NCKAP5: variants seen among roughly 807,000 people sequenced by gnomAD.
The protein encoded by NCKAP5 is NCK associated protein 5, also known as nck-associated protein 5.
In NCKAP5, 92 loss-of-function variants were observed where a neutral mutation model predicts 167.0. The ratio of observed to expected loss-of-function variants is 0.55; its 90% CI spans 0.47 to 0.66. The LOEUF (loss-of-function observed/expected upper bound fraction) is 0.66. Among genes scored for constraint, NCKAP5 ranks in the 30% least tolerant of loss-of-function variants. NCKAP5 has a pLI of 0.00. For synonymous variants in NCKAP5, 891 were observed against 877.4 expected (o/e 1.02, Z -0.27); for missense variants, 2,378 against 2,315.0 (o/e 1.03, Z -0.56).
chr2:133,151,263 A>T (rs1049742057), intron 5 of NCKAP5, among the ~76,000 whole-genome samples: 3 of 152,222 alleles, frequency 2.0e-5, no homozygotes, highest in Non-Finnish European at 2.9e-5. Context: ...CACCAAAAGC[A>T]TGACCTGTGA....
chr2:133,184,529 G>A (rs1025579977), intron 5 of NCKAP5, among the ~76,000 whole-genome samples: 3 of 151,978 alleles, frequency 2.0e-5, no homozygotes, highest in Admixed American at 1.3e-4. Context: ...TATGTTCTTT[G>A]GGAAATCTGT....
intron 8 of NCKAP5, among the ~76,000 whole-genome samples, chr2:132,908,349 C>A (rs1337075794): frequency 6.6e-6 from 1 of 152,060 alleles, no homozygotes; most frequent in Non-Finnish European, 1.5e-5. Context: ...TTCTTTCTTT[C>A]CTAAGGCACT....
At chr2:132,767,481 G>A (rs1356625199) in intron 16 of NCKAP5, among the ~76,000 whole-genome samples, 1 of 152,102 alleles carries the variant, frequency 6.6e-6, no homozygotes, top group Non-Finnish European at 1.5e-5. Context: ...CCTGACCTTA[G>A]GTTATCCACC....
At chr2:133,175,245 C>A (rs144743770) in intron 5 of NCKAP5, among the ~76,000 whole-genome samples, 2 of 152,192 alleles carry the variant, frequency 1.3e-5, no homozygotes, top group African/African-American at 2.4e-5. Flanking sequence ...GGTTTAATAC[C>A]ATAGACATGT....
intron 11 of NCKAP5, among the ~76,000 whole-genome samples, chr2:132,799,193 A>T (rs1206623882): frequency 6.6e-6 from 1 of 152,084 alleles, no homozygotes; most frequent in Non-Finnish European, 1.5e-5. Flanking sequence ...AGTGGAAGCT[A>T]GATACTGAGC....
At chr2:132,722,841 C>T (rs6726559) in intron 19 of NCKAP5, among the ~76,000 whole-genome samples, 135 of 152,112 alleles carry the variant, frequency 8.9e-4, no homozygotes, top group Admixed American at 2.5e-3. Flanking sequence ...TTTGAGACGG[C>T]GTCTTGCTGT....
the NCKAP5 span, among the ~76,000 whole-genome samples, chr2:133,652,730 T>C: frequency 6.6e-6 from 1 of 152,222 alleles, no homozygotes; most frequent in Non-Finnish European, 1.5e-5. Flanking sequence ...ATTGCCTGTC[T>C]AAATCTCTGT....
intron 3 of NCKAP5, among the ~76,000 whole-genome samples, chr2:133,386,016 T>C (rs1190979467): frequency 6.6e-6 from 1 of 152,228 alleles, no homozygotes; most frequent in East Asian, 1.9e-4. Flanking sequence ...TTCATTGATT[T>C]TTTTGAAGGG....
intron 6 of NCKAP5, among the ~76,000 whole-genome samples, chr2:133,119,476 T>G (rs150452194): frequency 6.6e-6 from 1 of 152,302 alleles, no homozygotes; most frequent in African/African-American, 2.4e-5. Flanking sequence ...CTTAGATCAG[T>G]AGGGTAAATA....
chr2:133,467,300 G>A (rs1692676481), intron 3 of NCKAP5, among the ~76,000 whole-genome samples: 1 of 151,622 alleles, frequency 6.6e-6, no homozygotes, highest in Non-Finnish European at 1.5e-5. Flanking sequence ...CTGTTTATAT[G>A]CTGGATTACA....
chr2:133,582,555 G>T, the NCKAP5 span, among the ~76,000 whole-genome samples: 1 of 152,102 alleles, frequency 6.6e-6, no homozygotes, highest in South Asian at 2.1e-4. Context: ...ACACATGCAC[G>T]GTAGTAATCA....
rs1388238618 is a variant in NCKAP5, at chr2:133,282,658, GGGTAATAC to G, written c.143+20371_143+20378del. Among the ~76,000 whole-genome samples the G allele has an allele frequency of 3.3e-5, 5 of 152,276 alleles. No individual in the cohort carries two copies. The East Asian group carries it at 9.6e-4, about 29-fold the overall frequency. On this transcript the variant is annotated intron_variant, in intron 4 of 19. Transcript: ENST00000409261. ...GGGCTATCATATAGCATGCATATTTGGGTAATACGGTATATGAATGAATCTCTTCTAAT... is the reference window on the plus strand; with the variant it reads ...GGGCTATCATATAGCATGCATATTTGGGTATATGAATGAATCTCTTCTAAT...
the NCKAP5 span, among the ~76,000 whole-genome samples, chr2:133,619,405 C>T: frequency 1.3e-5 from 2 of 151,976 alleles, no homozygotes; most frequent in South Asian, 2.1e-4. Context: ...ACAATCACAA[C>T]TTCTGAAAGT....
intron 3 of NCKAP5, among the ~76,000 whole-genome samples, chr2:133,375,956 A>C (rs1686117192): frequency 6.6e-6 from 1 of 152,200 alleles, no homozygotes; most frequent in African/African-American, 2.4e-5. Flanking sequence ...TGGAGGAAAG[A>C]GAGGGCTTCA....
intron 2 of NCKAP5, among the ~76,000 whole-genome samples, chr2:133,531,594 G>A (rs1685369717): frequency 6.6e-6 from 1 of 151,924 alleles, no homozygotes; most frequent in Non-Finnish European, 1.5e-5. Context: ...TTCATTTTCT[G>A]GTCATACAGC....
upstream of NCKAP5, among the ~76,000 whole-genome samples, chr2:133,570,664 G>C (rs1477377210): frequency 3.3e-5 from 5 of 152,184 alleles, no homozygotes; most frequent in Non-Finnish European, 7.3e-5. Context: ...AATCCTGTTT[G>C]ACAAATGAAG....
chr2:133,044,714 T>C (rs554040786), intron 6 of NCKAP5, among the ~76,000 whole-genome samples: 1 of 152,260 alleles, frequency 6.6e-6, no homozygotes, highest in Non-Finnish European at 1.5e-5. Context: ...GCAATTTCAC[T>C]CCTACTTATT....
intron 4 of NCKAP5, among the ~76,000 whole-genome samples, chr2:133,232,706 T>C (rs1309457650): frequency 2.0e-5 from 3 of 152,174 alleles, no homozygotes; most frequent in African/African-American, 7.2e-5. Context: ...TAAGAGAATA[T>C]GAGCACTGAT....
At chr2:133,480,558 A>C (rs1407791458) in intron 3 of NCKAP5, among the ~76,000 whole-genome samples, 1 of 152,170 alleles carries the variant, frequency 6.6e-6, no homozygotes, top group Non-Finnish European at 1.5e-5. Context: ...TGGAAGTGAG[A>C]AAGTGTTTAC....
Sources: gnomAD v4.1 joint callset for allele counts (sites outside exome capture counted in the v4.1 genomes callset) on GRCh38, gnomAD v4.1.1 for gene constraint, MANE v1.5 for transcripts, NCBI Gene and HGNC (gene_info 2026-07-23, HGNC 2026-07-21) for gene names.